HMGCL: variants seen among roughly 807,000 people sequenced by gnomAD.
The protein encoded by HMGCL is hydroxymethylglutaryl-CoA lyase, mitochondrial.
A neutral mutation model predicts 37.3 loss-of-function variants in HMGCL; 26 were observed. The ratio of observed to expected loss-of-function variants is 0.70; its 90% CI spans 0.51 to 0.97. The LOEUF is 0.97. Ranked by LOEUF, HMGCL falls within the 50% of genes least tolerant of loss-of-function variation. The pLI is 0.00. For synonymous variants in HMGCL, 151 were observed against 148.0 expected (o/e 1.02, Z -0.15); for missense variants, 379 against 398.1 (o/e 0.95, Z 0.41).
chr1:23,808,168 A>C lies in HMGCL; in HGVS notation c.717T>G (p.Gly239=), dbSNP rs370708710. ...CCATCAAGGTGTTGGCCAGGGCTTG[A>C]CCATAGGTGTCATGGCAGTGGACAG... The part of the protein sequence containing the change: ...ALAVHCHDTY[G]QALANTLMAL... Residue 239 remains glycine (G), a synonymous_variant, in exon 7 of 9, where the codon GGT becomes GGG. Coordinates refer to ENST00000374490, the MANE Select transcript of HMGCL (RefSeq NM_000191.3). 3.5e-5 allele frequency: 56 copies of C among 1,613,934 alleles called. No homozygotes were observed. Among genetic ancestry groups the C allele is most frequent in the Non-Finnish European group, 4.6e-5 (54 of 1,180,004 alleles).
chr1:23,816,553 G>A, intron 4 of HMGCL, 122 bp downstream of exon 4: 1 of 778,902 alleles, frequency 1.3e-6, no homozygotes, highest in South Asian at 1.3e-5. Flanking sequence ...CCCAGGGTCT[G>A]GCTGACAGAC....
At chr1:23,812,777 C>T (rs1034707526) in intron 5 of HMGCL, among the ~76,000 whole-genome samples, 1 of 152,138 alleles carries the variant, frequency 6.6e-6, no homozygotes, top group African/African-American at 2.4e-5. Context: ...AGAAAAGAGC[C>T]GGGACCAAAT....
intron 1 of HMGCL, among the ~76,000 whole-genome samples, chr1:23,821,325 C>A (rs1049672846): frequency 6.6e-6 from 1 of 151,572 alleles, no homozygotes; most frequent in African/African-American, 2.4e-5. Context: ...CCACTGTACT[C>A]CACCTTGGGC....
chr1:23,806,928 A>G lies in HMGCL; in HGVS notation c.750+1207T>C. The G allele has an allele frequency of 3.9e-6, 2 of 517,998 alleles. No homozygotes were observed. The highest frequency in any genetic ancestry group is 7.7e-6 in the Non-Finnish European group (2 of 259,496). The allele number at this position is 517,998 out of a possible 1,614,324, so 32.1% of individuals were successfully genotyped here. ...AGGGCAGGGATTGGGTCTTGTTACC[A>G]TTGTCTAAGTCAGCACTTAACCTGG... On this transcript the variant is annotated intron_variant, in intron 7 of 8. Transcript: ENST00000374490. The surrounding 1 kb of genome is among the most constrained non-coding windows in gnomAD (Gnocchi z 4.0).
At chr1:23,809,535 G>GCCGGGAGCTGTCTTTAAAAC in intron 6 of HMGCL, 1 of 152,038 alleles carries the variant, frequency 6.6e-6, no homozygotes, top group Non-Finnish European at 1.5e-5. Flanking sequence ...ACCGTGCCCG[G>GCCGGGAGCTGTCTTTAAAAC]CCAATAGTTA....
intron 6 of HMGCL, chr1:23,809,217 C>CATATATATATATATATATATAT (rs1212625691): frequency 1.2e-5 from 1 of 83,332 alleles, no homozygotes; most frequent in African/African-American, 5.1e-5. Context: ...ATCAATAGTC[C>CATATATATATATATATATATAT]ATATATATAT....
chr1:23,816,550 T>G (rs878937378), intron 4 of HMGCL, 125 bp downstream of exon 4: 3 of 772,594 alleles, frequency 3.9e-6, no homozygotes, highest in Non-Finnish European at 7.1e-6. Flanking sequence ...TGCCCCAGGG[T>G]CTGGCTGACA....
chr1:23,808,424 T>A (rs895682109), intron 6 of HMGCL, 101 bp from the exon 7 acceptor site: 36 of 914,614 alleles, frequency 3.9e-5, no homozygotes, highest in Non-Finnish European at 4.2e-5. Context: ...CACTTCTGGG[T>A]ATGACGCACT....
intron 6 of HMGCL, chr1:23,810,495 A>T (rs867494164): frequency 3.6e-5 from 18 of 500,978 alleles, no homozygotes; most frequent in Middle Eastern, 1.1e-3. Flanking sequence ...CTGGAAACTG[A>T]ATTGGAGGTT....
Position 23,806,370 on chromosome 1 carries a change from G to C in HMGCL, c.750+1765C>G, listed in dbSNP as rs544342269. Among the ~76,000 whole-genome samples the C allele has an allele frequency of 1.3e-4, 20 of 152,214 alleles. 1 individual carries two copies. The South Asian group carries it at 4.1e-3, about 32-fold the overall frequency. On this transcript the variant is annotated intron_variant, in intron 7 of 8. Transcript: ENST00000374490. This position sits in a 1 kb window ranked among gnomAD's most constrained non-coding sequence, Gnocchi z 4.0. ...CAAAGTCCTACAAGGCCCCCGATCTGGCCTTCCTCTAACCCTGACATCTCT... is the reference window on the plus strand; with the variant it reads ...CAAAGTCCTACAAGGCCCCCGATCTCGCCTTCCTCTAACCCTGACATCTCT...
intron 1 of HMGCL, among the ~76,000 whole-genome samples, chr1:23,824,111 CT>C (rs1386558741): frequency 6.6e-6 from 1 of 152,200 alleles, no homozygotes; most frequent in Non-Finnish European, 1.5e-5. Context: ...GAGGGTCCCC[CT>C]AACCACACAA....
At chr1:23,803,119 C>T (rs71640814) in intron 8 of HMGCL, among the ~76,000 whole-genome samples, 2 of 152,232 alleles carry the variant, frequency 1.3e-5, no homozygotes, top group Non-Finnish European at 2.9e-5. Context: ...ACTGCAACCT[C>T]TGCCTCCCGG....
chr1:23,807,080 C>A, intron 7 of HMGCL: 1 of 519,026 alleles, frequency 1.9e-6, no homozygotes, highest in South Asian at 1.4e-5. Context: ...GATATCACTG[C>A]CATGAAACAG....
rs923646391 is a variant in HMGCL at position 23,817,643 on chromosome 1, C to T, written c.145-60G>A. The T allele has an allele frequency of 4.5e-5, 45 of 1,007,442 alleles. 1 individual carries two copies. In the South Asian group the frequency reaches 5.5e-4, roughly 12 times the overall value. The allele number at this position is 1,007,442 out of a possible 1,614,324, so 62.4% of individuals were successfully genotyped here. A position where few individuals can be genotyped will look rare whatever the true frequency, so the allele number is the denominator to read the frequency against. On this transcript the variant is annotated intron_variant, in intron 2 of 8. Coordinates refer to ENST00000374490, the MANE Select transcript of HMGCL (RefSeq NM_000191.3). ...TTAGTAACAAAACAGCCTCAAAATG[C>T]AGTACCTGTTAGTTCAAGTACTATA... is the stretch of plus-strand genomic sequence containing the variant.
rs141058448 is a variant in HMGCL, at chr1:23,808,453, A to C, written c.562-130T>G. ...ACGCACTCAGTTCCTACTGGATTACATGCTCCTCACCACTCCAACTGGGAA... is the reference window on the plus strand; with the variant it reads ...ACGCACTCAGTTCCTACTGGATTACCTGCTCCTCACCACTCCAACTGGGAA... On this transcript the variant is annotated intron_variant, in intron 6 of 8. Coordinates refer to ENST00000374490, the MANE Select transcript of HMGCL (RefSeq NM_000191.3). The C allele has an allele frequency of 7.2e-4, 561 of 781,188 alleles. 4 individuals carry two copies. The East Asian group carries it at 0.013, about 18-fold the overall frequency. 48.4% of individuals were successfully genotyped at this position (781,188 alleles called of 1,614,324 possible).
chr1:23,804,429 A>T lies in HMGCL; in HGVS notation c.847T>A (p.Tyr283Asn), dbSNP rs1432544984. The change falls in exon 8 of 9, where the codon TAC becomes AAC. Residue 283 changes from tyrosine to asparagine, a missense_variant. Coordinates refer to ENST00000374490, the MANE Select transcript of HMGCL (RefSeq NM_000191.3). ...SGNLATEDLV[Y>N]MLEGLGIHTG... ...TGAATGCCCAAGCCCTCTAGCATGTAGACCAGGTCTTCTGTGGCCAAGTTT... is the reference window on the plus strand; with the variant it reads ...TGAATGCCCAAGCCCTCTAGCATGTTGACCAGGTCTTCTGTGGCCAAGTTT... 1 of 1,614,214 alleles carries T rather than the reference A, an allele frequency of 6.2e-7. No homozygotes were observed. The highest frequency in any genetic ancestry group is 1.7e-5 in the Admixed American group (1 of 60,026).
chr1:23,802,536 G>A lies in HMGCL; in HGVS notation c.905C>T (p.Ala302Val). 6.2e-7 allele frequency: 1 copy of A among 1,613,870 alleles called. No individual in the cohort carries two copies. Among genetic ancestry groups the A allele is most frequent in the Non-Finnish European group, 8.5e-7 (1 of 1,179,718 alleles). ...TGVNLQKLLE[A>V]GNFICQALNR... ...CAGGGCTTGACAGATAAAGTTTCCA[G>A]CTTCCAGAAGCTTCTGGAGATTCAC... is the stretch of plus-strand genomic sequence containing the variant. The change falls in exon 9 of 9, where the codon GCT becomes GTT. Residue 302 changes from alanine (A) to valine (V), a missense_variant. Physicochemically the swap from Ala to Val is moderately conservative, Grantham distance 64. Transcript: ENST00000374490.
intron 3 of HMGCL, 124 bp from the exon 4 acceptor site, chr1:23,816,894 G>T: frequency 1.4e-6 from 1 of 738,176 alleles, no homozygotes; most frequent in Non-Finnish European, 2.5e-6. Flanking sequence ...TCCTTCTGCA[G>T]AGCTGAGTCT....
At chr1:23,813,501 C>T (rs1417955509) in intron 5 of HMGCL, among the ~76,000 whole-genome samples, 1 of 152,096 alleles carries the variant, frequency 6.6e-6, no homozygotes, top group Non-Finnish European at 1.5e-5. Context: ...CTCTTGACCT[C>T]AGGTGATCCA....
Sources: gnomAD v4.1 joint callset for allele counts (sites outside exome capture counted in the v4.1 genomes callset) on GRCh38, gnomAD v4.1.1 for gene constraint, Gnocchi (gnomAD v3.1) non-coding constraint, MANE v1.5 for transcripts, NCBI Gene and HGNC (gene_info 2026-07-23, HGNC 2026-07-21) for gene names.